VWA3B: variants seen among roughly 807,000 people sequenced by gnomAD.
VWA3B encodes von Willebrand factor A domain-containing protein 3B.
VWA3B carries 138 observed loss-of-function variants against 158.3 expected under a neutral mutation model. That is an observed-to-expected ratio of 0.87 (90% CI 0.76 to 1.00). The LOEUF (loss-of-function observed/expected upper bound fraction) is 1.00. Among genes scored for constraint, VWA3B ranks in the 50% least tolerant of loss-of-function variants. The pLI is 0.00. For missense variants in VWA3B, 1,555 were observed against 1,565.1 expected, an observed-to-expected ratio of 0.99 and a Z score of 0.11; for synonymous variants, 596 against 587.3, an observed-to-expected ratio of 1.01 and a Z score of -0.21.
chr2:98,160,064 C>G (rs1214199085), intron 7 of VWA3B, among the ~76,000 whole-genome samples: 2 of 151,988 alleles, frequency 1.3e-5, no homozygotes, highest in African/African-American at 4.8e-5. Context: ...GTTTCATCTC[C>G]TCCCTGGTGT....
chr2:98,250,312 A>C lies in VWA3B; in HGVS notation c.2674-6A>C. On this transcript the variant is annotated splice_region_variant and splice_polypyrimidine_tract_variant and intron_variant, in intron 19 of 27. Coordinates refer to ENST00000477737, the MANE Select transcript of VWA3B (RefSeq NM_144992.5). The stretch of plus-strand genomic sequence containing the variant: ...CACTTTCCTTTCCTTTGCCATTGAC[A>C]TGCAGGTGTTCCCTCTGGCACATGT... 6.2e-7 allele frequency: 1 copy of C among 1,607,910 alleles called. No individual in the cohort carries two copies. The highest frequency in any genetic ancestry group is 8.5e-7 in the Non-Finnish European group (1 of 1,177,854).
At chr2:98,325,740 A>T in the VWA3B span, among the ~76,000 whole-genome samples, 3 of 152,200 alleles carry the variant, frequency 2.0e-5, no homozygotes, top group Admixed American at 2.0e-4. Context: ...ATGGACATAC[A>T]TGGTTGCAAG....
At chr2:98,089,400 C>T (rs913534755) in intron 1 of VWA3B, among the ~76,000 whole-genome samples, 10 of 150,958 alleles carry the variant, frequency 6.6e-5, no homozygotes, top group African/African-American at 2.2e-4. Context: ...GAAGGGGTTT[C>T]GGGGAGGCTT....
intron 2 of VWA3B, among the ~76,000 whole-genome samples, chr2:98,111,611 A>G (rs1433243480): frequency 6.6e-6 from 1 of 152,122 alleles, no homozygotes; most frequent in African/African-American, 2.4e-5. Context: ...GTGAAATGGT[A>G]TCTCATTGTA....
At chr2:98,278,939 A>G (rs1351544919) in intron 22 of VWA3B, among the ~76,000 whole-genome samples, 1 of 152,156 alleles carries the variant, frequency 6.6e-6, no homozygotes, top group Non-Finnish European at 1.5e-5. Context: ...TGGTGATGTT[A>G]CCATCACACA....
chr2:98,213,670 G>A (rs1683734395), intron 13 of VWA3B, among the ~76,000 whole-genome samples: 1 of 152,146 alleles, frequency 6.6e-6, no homozygotes, highest in Non-Finnish European at 1.5e-5. Flanking sequence ...GTAGGCTTGG[G>A]GGTGGCTGGT....
intron 14 of VWA3B, among the ~76,000 whole-genome samples, chr2:98,220,265 A>C (rs2105620011): frequency 6.6e-6 from 1 of 152,206 alleles, no homozygotes; most frequent in Middle Eastern, 3.4e-3. Context: ...CTTTAGACAG[A>C]AGGAAAACCT....
At chr2:98,135,396 C>G (rs1020759035) in intron 7 of VWA3B, among the ~76,000 whole-genome samples, 1 of 115,562 alleles carries the variant, frequency 8.7e-6, no homozygotes, top group African/African-American at 3.4e-5. Flanking sequence ...AGTGCAGTGG[C>G]GGGATCTCGG....
intron 20 of VWA3B, among the ~76,000 whole-genome samples, chr2:98,254,066 C>T (rs2105814747): frequency 6.6e-6 from 1 of 152,264 alleles, no homozygotes; most frequent in South Asian, 2.1e-4. Flanking sequence ...CCTGTGCTAG[C>T]AAACTGGACC....
intron 8 of VWA3B, among the ~76,000 whole-genome samples, chr2:98,169,741 G>A (rs1679419638): frequency 1.3e-5 from 2 of 151,674 alleles, no homozygotes; most frequent in African/African-American, 2.4e-5. Context: ...GTGTGTGTGT[G>A]TGTGTGTGTG....
At chr2:98,096,470 T>C (rs542925871) in intron 2 of VWA3B, among the ~76,000 whole-genome samples, 27 of 152,284 alleles carry the variant, frequency 1.8e-4, no homozygotes, top group African/African-American at 6.3e-4. Flanking sequence ...GATTTCACCA[T>C]GTTGGTCAGG....
At position 98,128,346 on chromosome 2, in the gene VWA3B, C is replaced by T. The variant is rs1281544276; in HGVS notation, c.810C>T (p.Phe270=). The T allele has an allele frequency of 3.1e-6, 5 of 1,614,124 alleles. No homozygotes were observed. Among genetic ancestry groups the T allele is most frequent in the Non-Finnish European group, 4.2e-6 (5 of 1,180,020 alleles). ...EIPCPVYTVS[F]NARGEGTIAF... ...CGTGTCCAGTCTACACAGTGTCCTTCAACGCCAGAGGAGAAGGCACTATAG... is the reference window on the plus strand; with the variant it reads ...CGTGTCCAGTCTACACAGTGTCCTTTAACGCCAGAGGAGAAGGCACTATAG... Residue 270 remains phenylalanine, a synonymous_variant, in exon 6 of 28, where the codon TTC becomes TTT. Transcript: ENST00000477737.
rs1683030542 is a variant in VWA3B at position 98,206,461 on chromosome 2, A to G, written c.1738-5469A>G. ...TTTGTGGTGACCCAGCATTTGGGTG[A>G]GAGCACAGTAAGGATTATGCTATGA... On this transcript the variant is annotated intron_variant, in intron 12 of 27. Transcript: ENST00000477737. 7 of 325,248 alleles carry G rather than the reference A, an allele frequency of 2.2e-5. 2 individuals carry two copies. The South Asian group carries it at 3.0e-4, about 14-fold the overall frequency. 20.1% of individuals were successfully genotyped at this position (325,248 alleles called of 1,614,324 possible).
At chr2:98,195,207 G>A (rs562241902) in intron 12 of VWA3B, among the ~76,000 whole-genome samples, 2 of 152,304 alleles carry the variant, frequency 1.3e-5, no homozygotes, top group South Asian at 2.1e-4. Flanking sequence ...CAGCTCCTTG[G>A]GAGGCTGAGG....
At chr2:98,093,313 A>T (rs1026707914) in intron 2 of VWA3B, 25 bp downstream of exon 2, 7 of 1,608,888 alleles carry the variant, frequency 4.4e-6, no homozygotes, top group Non-Finnish European at 6.0e-6. Flanking sequence ...AACAACCAGC[A>T]TGCTGCCATT....
intron 20 of VWA3B, among the ~76,000 whole-genome samples, chr2:98,251,522 TGG>T (rs1292963016): frequency 6.6e-6 from 1 of 152,160 alleles, no homozygotes; most frequent in African/African-American, 2.4e-5. Flanking sequence ...TAATTAATCC[TGG>T]GTGCACAAAC....
Position 98,133,959 on chromosome 2 carries a change from A to T in VWA3B, c.988+20A>T. 1 of 1,604,254 alleles carries T rather than the reference A, an allele frequency of 6.2e-7. No individual in the cohort carries two copies. Reference sequence around the variant, plus strand: ...CTCCAGGTACCTGGAATCCAAAAGAAGTGGTGTAGCTTATGTCCCGAATAG... The same window carrying T: ...CTCCAGGTACCTGGAATCCAAAAGATGTGGTGTAGCTTATGTCCCGAATAG... On this transcript the variant is annotated intron_variant, in intron 7 of 27. Coordinates refer to ENST00000477737, the MANE Select transcript of VWA3B (RefSeq NM_144992.5).
intron 12 of VWA3B, among the ~76,000 whole-genome samples, chr2:98,200,366 C>A (rs530600584): frequency 6.6e-6 from 1 of 152,124 alleles, no homozygotes; most frequent in African/African-American, 2.4e-5. Context: ...CATGGTGAAA[C>A]CCCGTCTCTA....
intron 7 of VWA3B, among the ~76,000 whole-genome samples, chr2:98,161,491 A>G (rs1232071705): frequency 1.3e-5 from 2 of 152,196 alleles, no homozygotes; most frequent in Non-Finnish European, 2.9e-5. Flanking sequence ...CACTAAGGAC[A>G]CCATGTTGAA....
Sources: gnomAD v4.1 joint callset for allele counts (sites outside exome capture counted in the v4.1 genomes callset) on GRCh38, gnomAD v4.1.1 for gene constraint, MANE v1.5 for transcripts, NCBI Gene and HGNC (gene_info 2026-07-23, HGNC 2026-07-21) for gene names.